Variants in PRDM15 observed in about 807,000 individuals in gnomAD.
The protein encoded by PRDM15 is PR/SET domain 15.
In PRDM15, 64 loss-of-function variants were observed where a neutral mutation model predicts 128.6. That is an observed-to-expected ratio of 0.50 (90% CI 0.41 to 0.61). The LOEUF is 0.61. Among genes scored for constraint, PRDM15 ranks in the 20% least tolerant of loss-of-function variants. The probability of loss-of-function intolerance (pLI) is 0.00; values close to 1 mark genes in which losing one functional copy is unlikely to be tolerated. For synonymous variants in PRDM15, 615 were observed against 621.8 expected (o/e 0.99, Z 0.16); for missense variants, 1,242 against 1,569.1 (o/e 0.79, Z 3.52).
intron 11 of PRDM15, chr21:41,834,522 C>A: frequency 6.5e-7 from 1 of 1,550,386 alleles, no homozygotes. Context: ...GTCTCTAAGC[C>A]GACTGCCGCC....
intron 1 of PRDM15, among the ~76,000 whole-genome samples, chr21:41,874,068 G>A (rs1290866773): frequency 7.9e-6 from 1 of 127,312 alleles, no homozygotes; most frequent in Non-Finnish European, 1.6e-5. Flanking sequence ...ACTCTGTCTC[G>A]GGAAAAAAAA....
intron 8 of PRDM15, 69 bp from the exon 9 acceptor site, chr21:41,836,718 A>G (rs1341570581): frequency 5.1e-6 from 7 of 1,380,702 alleles, no homozygotes; most frequent in Non-Finnish European, 7.0e-6. Context: ...AAGCAGCATG[A>G]AAACGGCCTC....
intron 3 of PRDM15, among the ~76,000 whole-genome samples, chr21:41,858,850 G>C (rs889770250): frequency 2.0e-5 from 3 of 152,166 alleles, no homozygotes; most frequent in Non-Finnish European, 4.4e-5. Flanking sequence ...AAAAATAAAT[G>C]AACGGTGTTG....
intron 1 of PRDM15, chr21:41,875,079 TCCCTGCCCA>T (rs1456055284): frequency 6.6e-6 from 1 of 152,452 alleles, no homozygotes; most frequent in Non-Finnish European, 1.5e-5. Context: ...TTCAGCAGGG[TCCCTGCCCA>T]ATCCCAGGTC....
intron 8 of PRDM15, 122 bp from the exon 9 acceptor site, chr21:41,836,771 A>G: frequency 2.6e-6 from 2 of 777,156 alleles, no homozygotes; most frequent in South Asian, 3.6e-5. Flanking sequence ...TATGCGAGAA[A>G]GGAGGGAATG....
rs537358929 is a variant in PRDM15 at position 41,823,212 on chromosome 21, C to T, written c.1761+106G>A. The T allele has an allele frequency of 4.2e-6, 6 of 1,425,956 alleles. No homozygotes were observed. In the Admixed American group the frequency reaches 1.2e-4, roughly 28 times the overall value. 88.3% of individuals were successfully genotyped at this position (1,425,956 alleles called of 1,614,324 possible). A position where few individuals can be genotyped will look rare whatever the true frequency, so the allele number is the denominator to read the frequency against. ...GAACCGTGAGCAGCACATGTCTGCC[C>T]AGAAGCTGCCCTGCCCACAGAACTC... On this transcript the variant is annotated intron_variant, in intron 14 of 23. Transcript: ENST00000398548.
intron 6 of PRDM15, among the ~76,000 whole-genome samples, chr21:41,841,701 T>C (rs1410141321): frequency 6.6e-5 from 10 of 152,246 alleles, no homozygotes; most frequent in Non-Finnish European, 1.5e-4. Flanking sequence ...GAGATGTATA[T>C]ATACTCTACT....
chr21:41,818,337 G>A (rs2146352954), intron 18 of PRDM15, among the ~76,000 whole-genome samples: 1 of 152,352 alleles, frequency 6.6e-6, no homozygotes, highest in East Asian at 1.9e-4. Flanking sequence ...TCCGTTCAGA[G>A]AAACCACCGC....
intron 11 of PRDM15, among the ~76,000 whole-genome samples, chr21:41,833,186 T>C (rs2062754956): frequency 6.6e-6 from 1 of 152,146 alleles, no homozygotes; most frequent in Non-Finnish European, 1.5e-5. Context: ...ACAGTACTTA[T>C]GGTCAGACAC....
chr21:41,839,038 C>A (rs116347603), intron 7 of PRDM15, among the ~76,000 whole-genome samples: 218 of 152,292 alleles, frequency 1.4e-3, no homozygotes, highest in African/African-American at 5.1e-3. Flanking sequence ...ACCACAGGGA[C>A]AAGAGCCTTA....
At chr21:41,876,465 C>T (rs2064419170) in intron 1 of PRDM15, among the ~76,000 whole-genome samples, 1 of 152,176 alleles carries the variant, frequency 6.6e-6, no homozygotes, top group Non-Finnish European at 1.5e-5. Context: ...AACTTGTCAT[C>T]AACGATCACC....
In PRDM15 at chr21:41,838,132, G is replaced by A. The variant is rs561273904; in HGVS notation, c.872-69C>T. 1.4e-5 allele frequency: 22 copies of A among 1,552,750 alleles called. No homozygotes were observed. The East Asian group carries it at 4.3e-4, about 30-fold the overall frequency. ...GGGACAAACACAGTCAAACCATGGT[G>A]ACACACTGCCCCATGGGAACCACAG... On this transcript the variant is annotated intron_variant, in intron 7 of 23. Coordinates refer to ENST00000398548, the MANE Select transcript of PRDM15 (RefSeq NM_001040424.3).
At position 41,828,751 on chromosome 21, in the gene PRDM15, G is replaced by A. The variant is rs899324825; in HGVS notation, c.1367-418C>T. Among the ~76,000 whole-genome samples the A allele has an allele frequency of 8.0e-5, 9 of 112,800 alleles. No homozygotes were observed. The highest frequency in any genetic ancestry group is 6.1e-4 in the Admixed American group (6 of 9,798). 74.0% of individuals were successfully genotyped at this position (112,800 alleles called of 152,430 possible). On this transcript the variant is annotated intron_variant, in intron 11 of 23. Coordinates refer to ENST00000398548, the MANE Select transcript of PRDM15 (RefSeq NM_001040424.3). The surrounding 1 kb of genome is among the most constrained non-coding windows in gnomAD (Gnocchi z 5.7). ...CTACCAACCAACCAACCAACCACCCGAGCAACTGACCACCCGACCAATGTG... is the reference window on the plus strand; with the variant it reads ...CTACCAACCAACCAACCAACCACCCAAGCAACTGACCACCCGACCAATGTG...
intron 1 of PRDM15, among the ~76,000 whole-genome samples, chr21:41,861,305 AT>A (rs1273407124): frequency 3.3e-5 from 5 of 152,106 alleles, no homozygotes; most frequent in Non-Finnish European, 7.4e-5. Flanking sequence ...TCTATTCCCT[AT>A]CCATCCTTGA....
chr21:41,878,749 A>C, intron 1 of PRDM15: 1 of 1,560,612 alleles, frequency 6.4e-7, no homozygotes, highest in Non-Finnish European at 8.6e-7. Context: ...CCCCCGTGCG[A>C]CCCGCATGGG....
At chr21:41,878,697 G>T (rs763222211) in intron 1 of PRDM15, 3 of 1,567,186 alleles carry the variant, frequency 1.9e-6, no homozygotes, top group Admixed American at 3.5e-5. Flanking sequence ...CCCATCACCA[G>T]GACTCAGCTT....
chr21:41,801,321 C>CG lies in PRDM15; in HGVS notation c.3344dup (p.Gln1116AlafsTer67). On this transcript the variant is annotated frameshift_variant, in exon 24 of 24. Coordinates refer to ENST00000398548, the MANE Select transcript of PRDM15 (RefSeq NM_001040424.3). LOFTEE classifies it high-confidence loss of function. The stretch of plus-strand genomic sequence containing the variant: ...CCTGCTGTGGGGGTGCCTGCGGCTG[C>CG]GAGGGTGGCAAGACGTCAGTCTGGG... 1 of 1,579,706 alleles carries CG rather than the reference C, an allele frequency of 6.3e-7. No individual in the cohort carries two copies. The highest frequency in any genetic ancestry group is 1.7e-5 in the Admixed American group (1 of 57,600).
chr21:41,844,709 GACAC>G (rs1158170548), intron 6 of PRDM15, among the ~76,000 whole-genome samples: 1 of 950 alleles, frequency 1.1e-3, no homozygotes, highest in Non-Finnish European at 2.3e-3. Context: ...CCATCACAGG[GACAC>G]ACACACACAC....
At chr21:41,823,657 G>A (rs2062365834) in intron 13 of PRDM15, among the ~76,000 whole-genome samples, 1 of 152,228 alleles carries the variant, frequency 6.6e-6, no homozygotes, top group African/African-American at 2.4e-5. Context: ...GTGTAAACAG[G>A]TGCTTACGTT....
Sources: allele counts gnomAD v4.1 joint callset (sites outside exome capture counted in the v4.1 genomes callset), GRCh38; gene constraint gnomAD v4.1.1; non-coding constraint Gnocchi (gnomAD v3.1); transcripts MANE v1.5; gene names NCBI Gene and HGNC (gene_info 2026-07-23, HGNC 2026-07-21).